NIPSNAP2: variants seen among roughly 807,000 people sequenced by gnomAD.
The protein encoded by NIPSNAP2 is protein NipSnap homolog 2.
NIPSNAP2 carries 42 observed loss-of-function variants against 48.4 expected under a neutral mutation model. The observed-to-expected ratio is 0.87, with a 90% CI of 0.68 to 1.12. The LOEUF (loss-of-function observed/expected upper bound fraction) is 1.12. NIPSNAP2 is among the 50% of genes most tolerant of loss of function. NIPSNAP2 has a pLI of 0.00. For synonymous variants in NIPSNAP2, 158 were observed against 126.6 expected, an observed-to-expected ratio of 1.25 and a Z score of -1.67; for missense variants, 314 against 347.3, an observed-to-expected ratio of 0.90 and a Z score of 0.76.
intron 7 of NIPSNAP2, among the ~76,000 whole-genome samples, chr7:55,988,976 T>C (rs1787389731): frequency 6.6e-6 from 1 of 152,224 alleles, no homozygotes; most frequent in Non-Finnish European, 1.5e-5. Flanking sequence ...GTGTTTCTTA[T>C]ACAAGAATCT....
At chr7:55,975,804 G>A (rs1787096559) in intron 1 of NIPSNAP2, among the ~76,000 whole-genome samples, 1 of 152,188 alleles carries the variant, frequency 6.6e-6, no homozygotes, top group Admixed American at 6.5e-5. Context: ...TTGGGAGGCC[G>A]AGGTGGGCAG....
chr7:55,992,171 C>T (rs1018087805), intron 7 of NIPSNAP2, among the ~76,000 whole-genome samples: 4 of 151,970 alleles, frequency 2.6e-5, no homozygotes, highest in South Asian at 4.1e-4. Flanking sequence ...GGAACCCAAG[C>T]GCTTGGGTAA....
intron 7 of NIPSNAP2, 47 bp from the exon 8 acceptor site, chr7:55,994,847 G>A (rs766442134): frequency 6.7e-7 from 1 of 1,485,472 alleles, no homozygotes; most frequent in Non-Finnish European, 9.4e-7. Flanking sequence ...ATTCTCGTTA[G>A]CGTATCTAAT....
In NIPSNAP2 at chr7:55,969,758, C is replaced by T. The variant is rs527570704; in HGVS notation, c.92+5057C>T. Among the ~76,000 whole-genome samples, 9 of 151,978 alleles carry T rather than the reference C, an allele frequency of 5.9e-5. No individual in the cohort carries two copies. The East Asian group carries it at 1.2e-3, about 20-fold the overall frequency. ...CAGAACTTTGGGAGGCCAAGGTGGG[C>T]GAATCACGAGGTCAGGAGATCGAGA... On this transcript the variant is annotated intron_variant, in intron 1 of 9. Transcript: ENST00000322090.
intron 8 of NIPSNAP2, 150 bp from the exon 9 acceptor site, chr7:55,997,216 G>C (rs1317329893): frequency 2.1e-6 from 1 of 476,250 alleles, no homozygotes; most frequent in African/African-American, 2.0e-5. Context: ...ATATAATTTT[G>C]CTCAGAATTT....
rs373256625 is a variant in NIPSNAP2 at position 55,991,010 on chromosome 7, C to T, written c.618-3884C>T. Among the ~76,000 whole-genome samples, 5 of 151,896 alleles carry T rather than the reference C, an allele frequency of 3.3e-5. No homozygotes were observed. In the East Asian group the frequency reaches 5.8e-4, roughly 18 times the overall value. On this transcript the variant is annotated intron_variant, in intron 7 of 9. Transcript: ENST00000322090. ...TTCGCCATGTTGGCCAGGCTGATCT[C>T]GAACTTCTGACTTCAAGTGATCTGC...
At chr7:55,990,764 A>G (rs953763896) in intron 7 of NIPSNAP2, among the ~76,000 whole-genome samples, 1 of 150,314 alleles carries the variant, frequency 6.7e-6, no homozygotes, top group Non-Finnish European at 1.5e-5. Context: ...TTTTAACTTC[A>G]ACTTATATCT....
intron 7 of NIPSNAP2, among the ~76,000 whole-genome samples, chr7:55,985,571 T>G (rs1246964642): frequency 6.6e-6 from 1 of 151,376 alleles, no homozygotes; most frequent in Non-Finnish European, 1.5e-5. Context: ...ACCCCCAACC[T>G]CTACCAAAAT....
rs1234386021 is a variant in NIPSNAP2 at position 55,999,154 on chromosome 7, A to G, written c.*82A>G. 1 of 1,202,530 alleles carries G rather than the reference A, an allele frequency of 8.3e-7. No individual in the cohort carries two copies. Among genetic ancestry groups the G allele is most frequent in the Non-Finnish European group, 1.2e-6 (1 of 817,778 alleles). The allele number at this position is 1,202,530 out of a possible 1,614,324, so 74.5% of individuals were successfully genotyped here. A position where few individuals can be genotyped will look rare whatever the true frequency, so the allele number is the denominator to read the frequency against. On this transcript the variant is annotated 3_prime_UTR_variant, in exon 10 of 10. Coordinates refer to ENST00000322090, the MANE Select transcript of NIPSNAP2 (RefSeq NM_001483.3). ...TTAATTTTAATTGTGTATCAAGTGAAAAAGAAACACTGAGGTTTTAAGCTG... is the reference window on the plus strand; with the variant it reads ...TTAATTTTAATTGTGTATCAAGTGAGAAAGAAACACTGAGGTTTTAAGCTG...
intron 7 of NIPSNAP2, among the ~76,000 whole-genome samples, chr7:55,988,273 T>A (rs1008668437): frequency 6.6e-6 from 1 of 152,130 alleles, no homozygotes; most frequent in East Asian, 1.9e-4. Context: ...AAATTTTTTT[T>A]TAAATAAATT....
At chr7:55,984,286 C>T (rs1430435781) in intron 6 of NIPSNAP2, among the ~76,000 whole-genome samples, 1 of 152,124 alleles carries the variant, frequency 6.6e-6, no homozygotes, top group Admixed American at 6.6e-5. Context: ...AAGAAAGCCC[C>T]ACATAGCAGC....
intron 7 of NIPSNAP2, among the ~76,000 whole-genome samples, chr7:55,992,799 T>G (rs1021396951): frequency 1.3e-5 from 2 of 152,136 alleles, no homozygotes; most frequent in Non-Finnish European, 2.9e-5. Context: ...GTGGTATGGA[T>G]TTACTGGGTA....
intron 7 of NIPSNAP2, among the ~76,000 whole-genome samples, chr7:55,993,826 T>A (rs1330904450): frequency 2.9e-4 from 44 of 152,108 alleles, no homozygotes; most frequent in Admixed American, 2.9e-3. Context: ...CATAGTGTGA[T>A]GTCCACAGAG....
At chr7:55,979,808 AG>A (rs1562764311) in intron 3 of NIPSNAP2, 1 of 456,630 alleles carries the variant, frequency 2.2e-6, no homozygotes, top group Middle Eastern at 3.3e-4. Context: ...CCTGGTTTTT[AG>A]GGGTCCCAAT....
At chr7:55,984,796 A>ATT (rs533463378) in intron 6 of NIPSNAP2, 51 bp from the exon 7 acceptor site, 11 of 1,352,396 alleles carry the variant, frequency 8.1e-6, no homozygotes, top group East Asian at 2.6e-5. Context: ...CTATTTCTGT[A>ATT]TTTTTTTTTT....
chr7:55,998,856 T>G (rs776114266), intron 9 of NIPSNAP2, 152 bp from the exon 10 acceptor site: 1 of 694,774 alleles, frequency 1.4e-6, no homozygotes, highest in Non-Finnish European at 2.6e-6. Flanking sequence ...CGCTTGTATA[T>G]TTCTGCCCTT....
intron 1 of NIPSNAP2, among the ~76,000 whole-genome samples, chr7:55,977,193 C>T (rs56917729): frequency 0.12 from 17,702 of 151,680 alleles, 1,699 homozygotes; most frequent in African/African-American, 0.25. Context: ...GAGTTCATGA[C>T]CAGCCTGGGC....
At position 55,998,997 on chromosome 7, in the gene NIPSNAP2, C is replaced by T; in HGVS notation, c.797-11C>T. The T allele has an allele frequency of 1.2e-6, 2 of 1,612,520 alleles. No individual in the cohort carries two copies. Among genetic ancestry groups the T allele is most frequent in the Non-Finnish European group, 8.5e-7 (1 of 1,178,638 alleles). ...AAGTAACAAGTGCAGTAACCCTGATCTTGTTTTCAGTTCCACTTATTCAGG... is the reference window on the plus strand; with the variant it reads ...AAGTAACAAGTGCAGTAACCCTGATTTTGTTTTCAGTTCCACTTATTCAGG... On this transcript the variant is annotated splice_polypyrimidine_tract_variant and intron_variant, in intron 9 of 9. Transcript: ENST00000322090.
chr7:55,981,186 T>A, intron 3 of NIPSNAP2: 1 of 184,600 alleles, frequency 5.4e-6, no homozygotes, highest in Non-Finnish European at 1.1e-5. Flanking sequence ...GACCCATAGC[T>A]CCCAAAATCC....
Sources: allele counts gnomAD v4.1 joint callset (sites outside exome capture counted in the v4.1 genomes callset), GRCh38; gene constraint gnomAD v4.1.1; transcripts MANE v1.5; gene names NCBI Gene and HGNC (gene_info 2026-07-23, HGNC 2026-07-21).